Variants in HOOK2 observed in about 807,000 individuals in gnomAD.
HOOK2 encodes hook microtubule tethering protein 2, also known as protein Hook homolog 2.
Under a neutral mutation model 111.9 loss-of-function variants are expected in HOOK2, and 108 were observed. The observed-to-expected ratio is 0.96, with a 90% CI of 0.83 to 1.13. HOOK2 has a LOEUF of 1.13. Ranked by LOEUF, HOOK2 falls within the 50% of genes most tolerant of loss-of-function variation. The probability of loss-of-function intolerance (pLI) is 0.00; values close to 1 mark genes in which losing one functional copy is unlikely to be tolerated. For missense variants in HOOK2, 978 were observed against 951.3 expected (o/e 1.03, Z -0.37); for synonymous variants, 405 against 394.3 (o/e 1.03, Z -0.32).
chr19:12,777,194 C>T (rs1297745463), upstream of HOOK2, among the ~76,000 whole-genome samples: 1 of 148,670 alleles, frequency 6.7e-6, no homozygotes, highest in Non-Finnish European at 1.5e-5. Context: ...AAATAAAATG[C>T]CTGGCGCGAT....
intron 10 of HOOK2, 119 bp from the exon 11 acceptor site, chr19:12,770,201 AAGGGGTCATGAAAGTTGAGGGTT>A (rs1373248759): frequency 1.2e-6 from 1 of 862,732 alleles, no homozygotes; most frequent in Non-Finnish European, 1.7e-6. Context: ...GTTCAAGGTG[AAGGGGTCATGAAAGTTGAGGGTT>A]AGGGGTCAAT....
upstream of HOOK2, among the ~76,000 whole-genome samples, chr19:12,777,320 A>C (rs2076736989): frequency 6.6e-6 from 1 of 151,802 alleles, no homozygotes; most frequent in African/African-American, 2.4e-5. Context: ...CAAAAATAAA[A>C]TAAAAAATAA....
Position 12,763,421 on chromosome 19 carries a change from A to G in HOOK2, c.2021T>C (p.Leu674Ser). 6.2e-7 allele frequency: 1 copy of G among 1,613,934 alleles called. No homozygotes were observed. ...ISAWYNMGMA[L>S]QQRAGEERAP... is the part of the protein sequence containing the mutation. Reference sequence around the variant, plus strand: ...CCGCTCCTCCCCAGCTCGCTGCTGCAAGGCCATGCCCTTCAGGAGGAGGTG... The same window carrying G: ...CCGCTCCTCCCCAGCTCGCTGCTGCGAGGCCATGCCCTTCAGGAGGAGGTG... Residue 674 changes from leucine (L) to serine (S), a missense_variant, in exon 23 of 23, where the codon TTG becomes TCG. Coordinates refer to ENST00000397668, the MANE Select transcript of HOOK2 (RefSeq NM_013312.3).
At chr19:12,772,159 G>A in intron 7 of HOOK2, 31 bp downstream of exon 7, 1 of 1,520,334 alleles carries the variant, frequency 6.6e-7, no homozygotes, top group South Asian at 1.1e-5. Context: ...TGATCCCTGT[G>A]CCTGGAACAC....
intron 14 of HOOK2, chr19:12,766,506 G>C (rs1479804884): frequency 2.3e-6 from 1 of 439,314 alleles, no homozygotes; most frequent in East Asian, 3.5e-5. Flanking sequence ...GGGACTGCTG[G>C]AAAGCGGGAA....
chr19:12,775,587 G>A (rs1344933959), upstream of HOOK2: 6 of 706,144 alleles, frequency 8.5e-6, no homozygotes, highest in East Asian at 7.6e-5. Flanking sequence ...CTAGGCGCAG[G>A]CCCCGCCCCG....
At chr19:12,777,473 C>T (rs956981818), upstream of HOOK2, among the ~76,000 whole-genome samples, 1 of 152,126 alleles carries the variant, frequency 6.6e-6, no homozygotes, top group African/African-American at 2.4e-5. Context: ...GGGGGGAGAC[C>T]CTGTTTCAAG....
At chr19:12,764,027 ATTTTTG>A (rs1397649298) in intron 20 of HOOK2, among the ~76,000 whole-genome samples, 1 of 151,786 alleles carries the variant, frequency 6.6e-6, no homozygotes, top group Non-Finnish European at 1.5e-5. Flanking sequence ...TTTTATTTTT[ATTTTTG>A]TGATGGAGTC....
intron 3 of HOOK2, among the ~76,000 whole-genome samples, chr19:12,783,705 G>C (rs1968629241): frequency 6.6e-6 from 1 of 152,166 alleles, no homozygotes; most frequent in Non-Finnish European, 1.5e-5. Context: ...TGTCCAGCTT[G>C]TTGGGTTGTT....
upstream of HOOK2, among the ~76,000 whole-genome samples, chr19:12,778,841 A>G (rs955894676): frequency 7.2e-5 from 11 of 152,204 alleles, no homozygotes; most frequent in African/African-American, 2.4e-4. Flanking sequence ...GGGGAGGAGC[A>G]TAACCCTCCA....
intron 14 of HOOK2, 102 bp downstream of exon 14, chr19:12,767,293 C>A (rs1968183455): frequency 2.0e-6 from 2 of 1,006,238 alleles, no homozygotes; most frequent in Non-Finnish European, 3.1e-6. Flanking sequence ...GAGCTGAGAC[C>A]AAGCAACCGG....
At chr19:12,772,052 C>G in intron 7 of HOOK2, 138 bp downstream of exon 7, 1 of 705,772 alleles carries the variant, frequency 1.4e-6, no homozygotes. Flanking sequence ...CTTAGGCTAC[C>G]CTGAGCATCT....
intron 10 of HOOK2, 82 bp downstream of exon 10, chr19:12,770,850 C>T: frequency 1.3e-6 from 2 of 1,493,018 alleles, no homozygotes; most frequent in Non-Finnish European, 1.8e-6. Flanking sequence ...AATTACAGAG[C>T]TGCTATGGCA....
upstream of HOOK2, among the ~76,000 whole-genome samples, chr19:12,779,898 C>T (rs1382915336): frequency 6.6e-6 from 1 of 152,116 alleles, no homozygotes; most frequent in Admixed American, 6.6e-5. Context: ...GCCAGTAATC[C>T]CAGCACTTTG....
upstream of HOOK2, chr19:12,775,723 C>T (rs1332862522): frequency 2.0e-5 from 7 of 353,770 alleles, no homozygotes; most frequent in East Asian, 2.8e-4. Context: ...TCAGCCTGGC[C>T]CAGCCTTGTG....
rs572386190 is a variant in HOOK2, at chr19:12,764,832, G to A, written c.1809C>T (p.Tyr603=). 2.3e-5 allele frequency: 37 copies of A among 1,613,856 alleles called. No individual in the cohort carries two copies. Among genetic ancestry groups the A allele is most frequent in the Middle Eastern group, 1.7e-4 (1 of 6,000 alleles). Residue 603 remains tyrosine (Y), a synonymous_variant, in exon 20 of 23, where the codon TAC becomes TAT. Coordinates refer to ENST00000397668, the MANE Select transcript of HOOK2 (RefSeq NM_013312.3). ...TCCTCACCATGCGGGCCTTGTCCAC[G>A]TAGCGGCGGTATCGCTCCTCCATGG... ...LRAMEERYRR[Y]VDKARMVMQT...
chr19:12,784,242 T>C (rs1287665247), intron 3 of HOOK2, among the ~76,000 whole-genome samples: 3 of 151,956 alleles, frequency 2.0e-5, no homozygotes, highest in Non-Finnish European at 2.9e-5. Context: ...GCTGTAGGAA[T>C]GTACACACAG....
chr19:12,778,423 G>C (rs1312026633), upstream of HOOK2: 1 of 152,300 alleles, frequency 6.6e-6, no homozygotes, highest in Non-Finnish European at 1.5e-5. Flanking sequence ...CTGGGAGCGG[G>C]TGGAGAGGAT....
At chr19:12,785,947 C>T (rs891642618) in intron 3 of HOOK2, among the ~76,000 whole-genome samples, 16 of 152,160 alleles carry the variant, frequency 1.1e-4, no homozygotes, top group Admixed American at 5.2e-4. Context: ...AAGAGGTCAC[C>T]CAGGGTCTTG....
Sources: gnomAD v4.1 joint callset for allele counts (sites outside exome capture counted in the v4.1 genomes callset) on GRCh38, gnomAD v4.1.1 for gene constraint, MANE v1.5 for transcripts, NCBI Gene and HGNC (gene_info 2026-07-23, HGNC 2026-07-21) for gene names.